Variants in IL21R observed in about 807,000 individuals in gnomAD.
IL21R encodes interleukin-21 receptor.
IL21R carries 14 observed loss-of-function variants against 41.3 expected under a neutral mutation model. The observed-to-expected ratio is 0.34, with a 90% CI of 0.22 to 0.53. IL21R has a LOEUF of 0.53. IL21R is among the 20% of genes least tolerant of loss of function. IL21R has a pLI of 0.94. For missense variants in IL21R, 588 were observed against 681.6 expected, an observed-to-expected ratio of 0.86 and a Z score of 1.53; for synonymous variants, 286 against 287.6, an observed-to-expected ratio of 0.99 and a Z score of 0.05.
Position 27,413,210 on chromosome 16 carries a change from A to C in IL21R, c.-17+10592A>C, listed in dbSNP as rs2086846139. On this transcript the variant is annotated intron_variant, in intron 1 of 8. Coordinates refer to ENST00000337929, the MANE Select transcript of IL21R (RefSeq NM_181078.3). ...TTTTTTCAAATACTTTTTCTGCATC[A>C]GGTGAGATGACCATGTGATTTTTGT... 2.6e-5 allele frequency among the ~76,000 whole-genome samples: 4 copies of C among 152,286 alleles called. No individual in the cohort carries two copies. The East Asian group carries it at 7.7e-4, about 29-fold the overall frequency.
At chr16:27,447,639 G>A (rs1406576633) in intron 8 of IL21R, 2 of 152,178 alleles carry the variant, frequency 1.3e-5, no homozygotes, top group Admixed American at 6.5e-5. Context: ...CTTTCCAAGT[G>A]GCTTTTCATT....
rs545471150 is a variant in IL21R at position 27,450,159 on chromosome 16, C to G, written c.*876C>G. ...GGCACCCGCGGGGCCGTCCCGCCTG[C>G]AGAGGGCCACTCGGGGGGGTTTCCA... On this transcript the variant is annotated 3_prime_UTR_variant, in exon 9 of 9. Transcript: ENST00000337929. The G allele has an allele frequency of 5.8e-4, 135 of 232,996 alleles. 1 individual carries two copies. Among genetic ancestry groups the G allele is most frequent in the Middle Eastern group, 5.1e-3 (4 of 786 alleles). 14.4% of individuals were successfully genotyped at this position (232,996 alleles called of 1,614,324 possible).
intron 8 of IL21R, chr16:27,447,888 CCTT>C (rs2087511081): frequency 6.6e-6 from 1 of 152,354 alleles, no homozygotes; most frequent in African/African-American, 2.4e-5. Flanking sequence ...CCCCATGTCT[CCTT>C]GACTCAGGAA....
chr16:27,437,449 C>T (rs1202258971), intron 3 of IL21R, 39 bp from the exon 4 acceptor site: 10 of 1,569,372 alleles, frequency 6.4e-6, no homozygotes, highest in Non-Finnish European at 7.9e-6. Context: ...CCCCCCTGCC[C>T]CTGGCTTCCA....
In IL21R at chr16:27,430,232, A is replaced by G; in HGVS notation, c.49+112A>G. ...ACACGGCTAGAGTCCACAGATTCAG[A>G]AAAGATGACATCCATGCCCTTGAGG... is the stretch of plus-strand genomic sequence containing the variant. On this transcript the variant is annotated intron_variant, in intron 2 of 8. Coordinates refer to ENST00000337929, the MANE Select transcript of IL21R (RefSeq NM_181078.3). 2.3e-6 allele frequency: 2 copies of G among 853,354 alleles called. 1 individual carries two copies. The highest frequency in any genetic ancestry group is 5.3e-5 in the East Asian group (2 of 37,804). 52.9% of individuals were successfully genotyped at this position (853,354 alleles called of 1,614,324 possible). A position where few individuals can be genotyped will look rare whatever the true frequency, so the allele number is the denominator to read the frequency against.
chr16:27,423,429 C>A (rs2087027922), intron 1 of IL21R, among the ~76,000 whole-genome samples: 1 of 152,170 alleles, frequency 6.6e-6, no homozygotes, highest in Admixed American at 6.5e-5. Flanking sequence ...GGTAGCTTCA[C>A]CAAGCTTTAC....
At chr16:27,402,749 C>T in intron 1 of IL21R, 131 bp downstream of exon 1, 1 of 214,822 alleles carries the variant, frequency 4.7e-6, no homozygotes, top group Non-Finnish European at 9.6e-6. Flanking sequence ...CAATTGGGGA[C>T]ACTGAGGCAA....
intron 1 of IL21R, among the ~76,000 whole-genome samples, chr16:27,405,042 T>A (rs76257705): frequency 8.2e-5 from 12 of 146,990 alleles, no homozygotes; most frequent in African/African-American, 2.4e-4. Flanking sequence ...TTTTTTTTAA[T>A]TTTTTTTTGA....
intron 2 of IL21R, among the ~76,000 whole-genome samples, chr16:27,431,108 G>A (rs531293438): frequency 3.4e-4 from 52 of 152,300 alleles, no homozygotes; most frequent in Non-Finnish European, 2.6e-4. Flanking sequence ...TGTGGAGGCC[G>A]GCCTAGGGGC....
At chr16:27,421,336 A>C (rs929726174) in intron 1 of IL21R, among the ~76,000 whole-genome samples, 1 of 10,378 alleles carries the variant, frequency 9.6e-5, no homozygotes, top group African/African-American at 7.8e-4. Flanking sequence ...CAATTTCTGC[A>C]AAAAAAAAAA....
intron 4 of IL21R, among the ~76,000 whole-genome samples, chr16:27,440,248 T>TAGAGAGAGAGAG (rs1217071764): frequency 9.5e-4 from 61 of 64,034 alleles, no homozygotes; most frequent in Admixed American, 5.1e-3. Context: ...TATATATATA[T>TAGAGAGAGAGAG]AGAGAGAGAG....
intron 1 of IL21R, among the ~76,000 whole-genome samples, chr16:27,406,023 T>C (rs2141254516): frequency 6.6e-6 from 1 of 152,372 alleles, no homozygotes; most frequent in African/African-American, 2.4e-5. Flanking sequence ...TCCCCCACTG[T>C]GTGAACAGGA....
chr16:27,430,878 G>GT (rs1212130204), intron 2 of IL21R, among the ~76,000 whole-genome samples: 1 of 152,180 alleles, frequency 6.6e-6, no homozygotes, highest in Non-Finnish European at 1.5e-5. Flanking sequence ...GCAGGCACTG[G>GT]TGGTCCCTGG....
intron 1 of IL21R, among the ~76,000 whole-genome samples, chr16:27,420,910 C>CT (rs200146667): frequency 0.043 from 6,524 of 152,166 alleles, 143 homozygotes; most frequent in Non-Finnish European, 0.055. Context: ...AGATTTACAC[C>CT]TAGGTTTATT....
intron 1 of IL21R, among the ~76,000 whole-genome samples, chr16:27,404,756 C>T (rs188217847): frequency 1.5e-3 from 233 of 152,294 alleles, no homozygotes; most frequent in African/African-American, 4.9e-3. Context: ...TCAAGTCCAC[C>T]GCTTAGTACC....
chr16:27,448,426 G>A, intron 8 of IL21R, 108 bp from the exon 9 acceptor site: 1 of 1,215,406 alleles, frequency 8.2e-7, no homozygotes, highest in Non-Finnish European at 1.1e-6. Flanking sequence ...CTGCATTCCA[G>A]CCTGGGCAGC....
intron 4 of IL21R, among the ~76,000 whole-genome samples, chr16:27,439,646 G>A (rs149198366): frequency 1.9e-4 from 29 of 151,654 alleles, no homozygotes; most frequent in Admixed American, 1.0e-3. Context: ...CATTACTCAC[G>A]GGCACACATG....
chr16:27,423,423 G>A (rs535519377), intron 1 of IL21R, among the ~76,000 whole-genome samples: 2 of 152,264 alleles, frequency 1.3e-5, no homozygotes, highest in South Asian at 4.1e-4. Context: ...ACCCATGGTA[G>A]CTTCACCAAG....
At chr16:27,404,652 A>C (rs1567353182) in intron 1 of IL21R, among the ~76,000 whole-genome samples, 1 of 152,130 alleles carries the variant, frequency 6.6e-6, no homozygotes, top group Non-Finnish European at 1.5e-5. Context: ...CACAACTAGG[A>C]AGGGGTGCCT....
Sources: allele counts gnomAD v4.1 joint callset (sites outside exome capture counted in the v4.1 genomes callset), GRCh38; gene constraint gnomAD v4.1.1; transcripts MANE v1.5; gene names NCBI Gene and HGNC (gene_info 2026-07-23, HGNC 2026-07-21).